Variants in BICRAL observed in about 807,000 individuals in gnomAD.
The protein encoded by BICRAL is BICRA like chromatin remodeling complex associated protein, also known as BRD4-interacting chromatin-remodeling complex-associated protein-like.
BICRAL carries 8 observed loss-of-function variants against 91.8 expected under a neutral mutation model. The ratio of observed to expected loss-of-function variants is 0.09; its 90% CI spans 0.05 to 0.16. BICRAL has a LOEUF of 0.16. BICRAL is among the 10% of genes least tolerant of loss of function. The probability of loss-of-function intolerance (pLI) is 1.00; values close to 1 mark genes in which losing one functional copy is unlikely to be tolerated. For missense variants in BICRAL, 1,038 were observed against 1,310.9 expected (o/e 0.79, Z 3.21); for synonymous variants, 445 against 491.1 (o/e 0.91, Z 1.24).
intron 5 of BICRAL, among the ~76,000 whole-genome samples, chr6:42,825,985 A>G (rs1164321989): frequency 2.0e-5 from 3 of 151,456 alleles, no homozygotes; most frequent in African/African-American, 7.3e-5. Context: ...TGGGTGGCTG[A>G]GGCAGGGAGA....
At chr6:42,787,757 A>T (rs1254850680) in intron 1 of BICRAL, among the ~76,000 whole-genome samples, 2 of 152,198 alleles carry the variant, frequency 1.3e-5, no homozygotes, top group African/African-American at 4.8e-5. Context: ...TCCAAGCCAC[A>T]TTGGGATGCT....
At chr6:42,792,330 C>T (rs1329095824) in intron 1 of BICRAL, among the ~76,000 whole-genome samples, 1 of 152,022 alleles carries the variant, frequency 6.6e-6, no homozygotes, top group African/African-American at 2.4e-5. Context: ...AGTCCAGTGG[C>T]GTGATCATAG....
chr6:42,829,434 G>C lies in BICRAL; in HGVS notation c.1101G>C (p.Gln367His). 6.2e-7 allele frequency: 1 copy of C among 1,614,162 alleles called. No individual in the cohort carries two copies. The highest frequency in any genetic ancestry group is 8.5e-7 in the Non-Finnish European group (1 of 1,180,040). ...PHMSVNIVNQ[Q>H]NTRKPVTSQA... ...TGTCTGTGAACATTGTAAACCAACAGAACACAAGAAAGCCAGTCACCTCAC... is the reference window on the plus strand; with the variant it reads ...TGTCTGTGAACATTGTAAACCAACACAACACAAGAAAGCCAGTCACCTCAC... Residue 367 changes from glutamine to histidine, a missense_variant, in exon 6 of 13, where the codon CAG becomes CAC. Gln to His is a conservative substitution (Grantham distance 24, BLOSUM62 0). Transcript: ENST00000314073.
Position 42,860,327 on chromosome 6 carries a change from T to C in BICRAL, c.2320T>C (p.Tyr774His). 1.2e-6 allele frequency: 2 copies of C among 1,608,790 alleles called. No homozygotes were observed. The highest frequency in any genetic ancestry group is 1.7e-6 in the Non-Finnish European group (2 of 1,175,466). The change falls in exon 11 of 13, where the codon TAC becomes CAC. Residue 774 changes from tyrosine (Y) to histidine (H), a missense_variant. Tyr to His is a moderately conservative substitution (Grantham distance 83, BLOSUM62 2). This residue lies in a region of BICRAL where 294 missense variants were observed against 292.6 expected (regional missense o/e 1.00). Transcript: ENST00000314073. ...LKRTQAMLNK[Y>H]RCLLLEDAMR... ...AAGGACCCAAGCTATGCTTAACAAA[T>C]ACAGATGCCTGCTCCTAGAAGATGC...
At chr6:42,790,330 ATTTT>A (rs70990136) in intron 1 of BICRAL, among the ~76,000 whole-genome samples, 33 of 87,826 alleles carry the variant, frequency 3.8e-4, no homozygotes, top group African/African-American at 1.7e-3. Context: ...AGATAATTTA[ATTTT>A]TTTTTTTTTT....
intron 10 of BICRAL, 145 bp from the exon 11 acceptor site, chr6:42,860,117 G>A: frequency 1.7e-6 from 1 of 587,284 alleles, no homozygotes; most frequent in East Asian, 2.9e-5. Flanking sequence ...CTTAGCCGGG[G>A]AAAAGCTCAT....
At chr6:42,773,507 C>T (rs1267642450) in intron 1 of BICRAL, among the ~76,000 whole-genome samples, 1 of 152,058 alleles carries the variant, frequency 6.6e-6, no homozygotes, top group African/African-American at 2.4e-5. Flanking sequence ...CAAGAGCCAC[C>T]TTGGCCAGCC....
chr6:42,793,317 T>G (rs1763331558), intron 1 of BICRAL, among the ~76,000 whole-genome samples: 1 of 111,440 alleles, frequency 9.0e-6, no homozygotes, highest in African/African-American at 3.5e-5. Context: ...TTTTTTTTTT[T>G]TTTTTTTTGT....
intron 1 of BICRAL, among the ~76,000 whole-genome samples, chr6:42,786,553 T>C (rs1763108858): frequency 6.6e-6 from 1 of 152,190 alleles, no homozygotes; most frequent in African/African-American, 2.4e-5. Context: ...ACCGGCAAGA[T>C]CTCTGCACTC....
At chr6:42,814,117 T>A (rs1763911538) in intron 2 of BICRAL, among the ~76,000 whole-genome samples, 1 of 151,838 alleles carries the variant, frequency 6.6e-6, no homozygotes, top group African/African-American at 2.4e-5. Flanking sequence ...CAGCACCTTT[T>A]AGAGGTAAAT....
intron 2 of BICRAL, among the ~76,000 whole-genome samples, chr6:42,816,130 G>A (rs1763988096): frequency 6.6e-6 from 1 of 151,786 alleles, no homozygotes; most frequent in Non-Finnish European, 1.5e-5. Flanking sequence ...AGACCAAGGT[G>A]GAGGATCACT....
Position 42,867,160 on chromosome 6 carries a change from A to G in BICRAL, c.*1714A>G, listed in dbSNP as rs1057452134. 1 of 228,476 alleles carries G rather than the reference A, an allele frequency of 4.4e-6. No individual in the cohort carries two copies. Among genetic ancestry groups the G allele is most frequent in the Non-Finnish European group, 8.9e-6 (1 of 112,712 alleles). 14.2% of individuals were successfully genotyped at this position (228,476 alleles called of 1,614,324 possible). ...ATCATGTTGGGCATTTCTTTTCCAG[A>G]TTGGCCTGTGATGGAAAGGAAGGCT... is the stretch of plus-strand genomic sequence containing the variant. On this transcript the variant is annotated 3_prime_UTR_variant, in exon 13 of 13. Transcript: ENST00000314073.
At chr6:42,782,481 C>A (rs1582812538) in intron 1 of BICRAL, among the ~76,000 whole-genome samples, 2 of 29,908 alleles carry the variant, frequency 6.7e-5, no homozygotes, top group Middle Eastern at 0.029. Flanking sequence ...GTGTCTCGGG[C>A]GGGGGCGCAG....
intron 1 of BICRAL, among the ~76,000 whole-genome samples, chr6:42,761,253 A>G (rs58035179): frequency 0.26 from 39,799 of 151,824 alleles, 5,643 homozygotes; most frequent in African/African-American, 0.36. Context: ...CCAGGAGTTC[A>G]AGACCAGCCT....
chr6:42,804,436 TC>T (rs1763655033), intron 1 of BICRAL, among the ~76,000 whole-genome samples: 1 of 152,142 alleles, frequency 6.6e-6, no homozygotes, highest in Non-Finnish European at 1.5e-5. Context: ...ATGTCAGATG[TC>T]CTCTAGGGAT....
At chr6:42,827,043 C>G (rs977136698) in intron 5 of BICRAL, among the ~76,000 whole-genome samples, 1 of 152,220 alleles carries the variant, frequency 6.6e-6, no homozygotes, top group Non-Finnish European at 1.5e-5. Flanking sequence ...GCCTCAGCCT[C>G]CCAAAGTGCT....
intron 7 of BICRAL, 114 bp from the exon 8 acceptor site, chr6:42,853,523 TA>T: frequency 1.4e-6 from 1 of 722,644 alleles, no homozygotes. Flanking sequence ...GCAGCCATGA[TA>T]AAGAAACCCG....
At chr6:42,779,082 T>C, upstream of BICRAL, among the ~76,000 whole-genome samples, 1 of 151,946 alleles carries the variant, frequency 6.6e-6, no homozygotes, top group East Asian at 1.9e-4. Context: ...CTGAGTGTGC[T>C]GGTGTGCACT....
Position 42,866,930 on chromosome 6 carries a change from A to G in BICRAL, c.*1484A>G. On this transcript the variant is annotated 3_prime_UTR_variant, in exon 13 of 13. Coordinates refer to ENST00000314073, the MANE Select transcript of BICRAL (RefSeq NM_001393499.1). Reference sequence around the variant, plus strand: ...ATGCACTCTTCTCCCACACATACACACACGTGCATGTATCTGAGCTGCTCG... The same window carrying G: ...ATGCACTCTTCTCCCACACATACACGCACGTGCATGTATCTGAGCTGCTCG... The G allele has an allele frequency of 2.2e-6, 1 of 454,556 alleles. No individual in the cohort carries two copies. The highest frequency in any genetic ancestry group is 4.4e-6 in the Non-Finnish European group (1 of 225,954). 28.2% of individuals were successfully genotyped at this position (454,556 alleles called of 1,614,324 possible).
Sources: allele counts gnomAD v4.1 joint callset (sites outside exome capture counted in the v4.1 genomes callset), GRCh38; gene constraint gnomAD v4.1.1; regional missense constraint gnomAD v4.1.1; transcripts MANE v1.5; gene names NCBI Gene and HGNC (gene_info 2026-07-23, HGNC 2026-07-21).